Variants in IGSF10 observed in about 807,000 individuals in gnomAD.
IGSF10 encodes the protein calvaria mechanical force protein 608.
Under a neutral mutation model 128.2 loss-of-function variants are expected in IGSF10, and 126 were observed. The ratio of observed to expected loss-of-function variants is 0.98; its 90% CI spans 0.85 to 1.14. The LOEUF is 1.14. Ranked by LOEUF, IGSF10 falls within the 50% of genes most tolerant of loss-of-function variation. IGSF10 has a pLI of 0.00. For missense variants in IGSF10, 3,295 were observed against 3,149.8 expected (o/e 1.05, Z -1.10); for synonymous variants, 1,185 against 1,146.2 (o/e 1.03, Z -0.68).
chr3:151,560,804 GTTGT>G, the IGSF10 span, among the ~76,000 whole-genome samples: 1 of 151,964 alleles, frequency 6.6e-6, no homozygotes, highest in Non-Finnish European at 1.5e-5. Context: ...TCTGTGGTGT[GTTGT>G]TTGTTTAAGC....
chr3:151,598,962 G>C, the IGSF10 span, among the ~76,000 whole-genome samples: 29 of 152,188 alleles, frequency 1.9e-4, no homozygotes, highest in South Asian at 6.0e-3. Context: ...ATACAAGAAA[G>C]GCAACAGACT....
rs1397062412 is a variant in IGSF10, at chr3:151,445,707, G to T, written c.4274C>A (p.Ala1425Asp). ...CTTCAAAGTCTGAGTACTTGCTTGGGCTAGTTCTTCAATCACATCTGTCAG... is the reference window on the plus strand; with the variant it reads ...CTTCAAAGTCTGAGTACTTGCTTGGTCTAGTTCTTCAATCACATCTGTCAG... ...LNLTDVIEEL[A>D]QASTQTLKST... Residue 1425 changes from alanine to aspartate, a missense_variant, in exon 6 of 8, where the codon GCC becomes GAC. Transcript: ENST00000282466. The T allele has an allele frequency of 1.2e-6, 2 of 1,614,090 alleles. No individual in the cohort carries two copies. Among genetic ancestry groups the T allele is most frequent in the Non-Finnish European group, 1.7e-6 (2 of 1,180,028 alleles).
chr3:151,507,628 A>G, the IGSF10 span, among the ~76,000 whole-genome samples: 1 of 152,138 alleles, frequency 6.6e-6, no homozygotes, highest in Non-Finnish European at 1.5e-5. Flanking sequence ...GGCAGGAACG[A>G]GACAAGCAGA....
Position 151,447,417 on chromosome 3 carries a change from TC to T in IGSF10, c.2563del (p.Glu855AsnfsTer20), listed in dbSNP as rs1461459488. On this transcript the variant is annotated frameshift_variant, in exon 6 of 8. Transcript: ENST00000282466. LOFTEE classifies it high-confidence loss of function. ...VVNSQILPPEEPTDFKLSTAI... is the reference protein window; with the variant it reads ...VVNSQILPPEXPTDFKLSTAI... ...AGTAGACAGTTTGAAATCTGTGGGT[TC>T]TTCAGGTGGTAGTATTTGTGAATTC... is the stretch of plus-strand genomic sequence containing the variant. 1.2e-6 allele frequency: 2 copies of T among 1,613,994 alleles called. No homozygotes were observed. The highest frequency in any genetic ancestry group is 1.7e-6 in the Non-Finnish European group (2 of 1,179,968).
At chr3:151,474,722 G>T in the IGSF10 span, among the ~76,000 whole-genome samples, 1 of 152,310 alleles carries the variant, frequency 6.6e-6, no homozygotes, top group African/African-American at 2.4e-5. Context: ...AGAAGAAAGA[G>T]GTTTAATTGG....
the IGSF10 span, among the ~76,000 whole-genome samples, chr3:151,511,840 G>C: frequency 1.3e-5 from 2 of 152,034 alleles, no homozygotes; most frequent in Non-Finnish European, 2.9e-5. Context: ...CAGACTTTAA[G>C]CCAACAAAGA....
At position 151,437,277 on chromosome 3, in the gene IGSF10, A is replaced by G; in HGVS notation, c.7284T>C (p.Ile2428=). Reference sequence around the variant, plus strand: ...AGGTAAGAATAACTGGCTTCTGGCCAATTTCTAATATGACTAATTTCTCAA... The same window carrying G: ...AGGTAAGAATAACTGGCTTCTGGCCGATTTCTAATATGACTAATTTCTCAA... ...GYIEKLVILE[I]GQKPVILTYA... Residue 2428 remains isoleucine (I), a synonymous_variant, in exon 8 of 8, where the codon ATT becomes ATC. Transcript: ENST00000282466. 1 of 1,614,186 alleles carries G rather than the reference A, an allele frequency of 6.2e-7. No homozygotes were observed. Among genetic ancestry groups the G allele is most frequent in the Non-Finnish European group, 8.5e-7 (1 of 1,180,032 alleles).
rs2108583868 is a variant in IGSF10, at chr3:151,461,045, T to C, written c.-188A>G. 7.1e-6 allele frequency: 7 copies of C among 985,214 alleles called. No individual in the cohort carries two copies. In the South Asian group the frequency reaches 2.8e-4, roughly 40 times the overall value. The allele number at this position is 985,214 out of a possible 1,614,324, so 61.0% of individuals were successfully genotyped here. ...GGGTCGTGCGGAGCTGGTCCGGAGC[T>C]CTGGGAGGGAAGGAAGGAAGGCGGA... is the stretch of plus-strand genomic sequence containing the variant. On this transcript the variant is annotated 5_prime_UTR_variant, in exon 1 of 8. Transcript: ENST00000282466.
In IGSF10 at chr3:151,438,098, C is replaced by T. The variant is rs1051088942; in HGVS notation, c.6463G>A (p.Ala2155Thr). Residue 2155 changes from alanine to threonine, a missense_variant, in exon 8 of 8, where the codon GCT (alanine) becomes ACT (threonine). Physicochemically the swap from Ala to Thr is moderately conservative, Grantham distance 58 (BLOSUM62 0). Transcript: ENST00000282466. ...CAGTCAAGGACAGCTGTGTCTCCAGCTTTGATTCTCTTGTTGGTTTTGTTA... is the reference window on the plus strand; with the variant it reads ...CAGTCAAGGACAGCTGTGTCTCCAGTTTTGATTCTCTTGTTGGTTTTGTTA... ...QSNKTNKRIK[A>T]GDTAVLDCEV... 1 of 1,614,206 alleles carries T rather than the reference C, an allele frequency of 6.2e-7. No individual in the cohort carries two copies. Among genetic ancestry groups the T allele is most frequent in the Non-Finnish European group, 8.5e-7 (1 of 1,180,038 alleles).
At chr3:151,573,628 A>G in the IGSF10 span, among the ~76,000 whole-genome samples, 2 of 152,324 alleles carry the variant, frequency 1.3e-5, no homozygotes, top group South Asian at 4.1e-4. Context: ...GTGTCTCTGC[A>G]CATGAGACGG....
chr3:151,547,070 G>A, the IGSF10 span, among the ~76,000 whole-genome samples: 1 of 151,974 alleles, frequency 6.6e-6, no homozygotes, highest in Non-Finnish European at 1.5e-5. Flanking sequence ...ACCGTGCCCG[G>A]CCTCTTTTCT....
chr3:151,574,563 T>A, the IGSF10 span, among the ~76,000 whole-genome samples: 1 of 152,240 alleles, frequency 6.6e-6, no homozygotes, highest in African/African-American at 2.4e-5. Flanking sequence ...GGTTTTCAGC[T>A]CCATTAGGTC....
At chr3:151,562,740 C>A in the IGSF10 span, among the ~76,000 whole-genome samples, 17 of 152,152 alleles carry the variant, frequency 1.1e-4, no homozygotes, top group East Asian at 3.3e-3. Flanking sequence ...TGGTGCCAGA[C>A]CCCTATTGAC....
chr3:151,521,549 A>G, the IGSF10 span, among the ~76,000 whole-genome samples: 1 of 152,114 alleles, frequency 6.6e-6, no homozygotes, highest in Non-Finnish European at 1.5e-5. Flanking sequence ...AGTCAAGACT[A>G]AGAAAATCAC....
At chr3:151,484,993 TAAC>T in the IGSF10 span, among the ~76,000 whole-genome samples, 1 of 152,016 alleles carries the variant, frequency 6.6e-6, no homozygotes, top group Non-Finnish European at 1.5e-5. Context: ...AGGTGGGTAA[TAAC>T]AAACTCCTCC....
the IGSF10 span, among the ~76,000 whole-genome samples, chr3:151,523,149 G>C: frequency 6.6e-6 from 1 of 152,038 alleles, no homozygotes; most frequent in African/African-American, 2.4e-5. Context: ...ACAAAACACT[G>C]CTCAAATAAT....
chr3:151,525,024 TTTTTTTTTTTTTTTTTTTTTA>T, the IGSF10 span, among the ~76,000 whole-genome samples: 598 of 110,312 alleles, frequency 5.4e-3, 9 homozygotes, highest in African/African-American at 0.021. Context: ...TTTTTTTTTT[TTTTTTTTTTTTTTTTTTTTTA>T]AAGAGAGCCT....
At chr3:151,566,195 C>A in the IGSF10 span, among the ~76,000 whole-genome samples, 1 of 151,874 alleles carries the variant, frequency 6.6e-6, no homozygotes, top group Non-Finnish European at 1.5e-5. Context: ...GAAATCTGAC[C>A]AAATAATGAT....
the IGSF10 span, among the ~76,000 whole-genome samples, chr3:151,576,152 A>G: frequency 1.3e-5 from 2 of 151,720 alleles, no homozygotes; most frequent in African/African-American, 4.8e-5. Flanking sequence ...TTTCTGCTAT[A>G]TCAAGTAGCT....
Sources: gnomAD v4.1 joint callset for allele counts (sites outside exome capture counted in the v4.1 genomes callset) on GRCh38, gnomAD v4.1.1 for gene constraint, MANE v1.5 for transcripts, NCBI Gene and HGNC (gene_info 2026-07-23, HGNC 2026-07-21) for gene names.